SPON1: variants seen among roughly 807,000 people sequenced by gnomAD.
SPON1 encodes the protein spondin-1.
A neutral mutation model predicts 111.7 loss-of-function variants in SPON1; 52 were observed. The observed-to-expected ratio is 0.47, with a 90% CI of 0.37 to 0.59. SPON1 has a LOEUF of 0.59. Ranked by LOEUF, SPON1 falls within the 20% of genes least tolerant of loss-of-function variation. SPON1 has a pLI of 0.00. For synonymous variants in SPON1, 410 were observed against 395.8 expected (o/e 1.04, Z -0.43); for missense variants, 957 against 1,068.5 (o/e 0.90, Z 1.46).
At chr11:14,107,859 A>G (rs1554925079) in intron 5 of SPON1, among the ~76,000 whole-genome samples, 1 of 152,168 alleles carries the variant, frequency 6.6e-6, no homozygotes, top group East Asian at 1.9e-4. Flanking sequence ...TACATATTGT[A>G]TATAGTTTGA....
intron 7 of SPON1, among the ~76,000 whole-genome samples, chr11:14,253,952 T>C (rs1166850336): frequency 6.6e-6 from 1 of 152,204 alleles, no homozygotes; most frequent in Non-Finnish European, 1.5e-5. Context: ...TGAGAATCTG[T>C]GTGACACAAA....
chr11:14,088,839 C>CT (rs1361100478), intron 5 of SPON1, among the ~76,000 whole-genome samples: 19 of 151,842 alleles, frequency 1.3e-4, no homozygotes, highest in Non-Finnish European at 2.8e-4. Context: ...CCTTTTCATT[C>CT]TTTTTTCTCT....
chr11:14,213,635 A>G (rs1308907617), intron 6 of SPON1, among the ~76,000 whole-genome samples: 2 of 152,244 alleles, frequency 1.3e-5, no homozygotes, highest in Admixed American at 6.5e-5. Context: ...GCTATTAAGT[A>G]AGAATAGGAA....
At position 14,265,794 on chromosome 11, in the gene SPON1, T is replaced by G; in HGVS notation, c.*107T>G. The G allele has an allele frequency of 7.6e-7, 1 of 1,323,790 alleles. No homozygotes were observed. The highest frequency in any genetic ancestry group is 1.0e-6 in the Non-Finnish European group (1 of 969,484). 82.0% of individuals were successfully genotyped at this position (1,323,790 alleles called of 1,614,324 possible). A position where few individuals can be genotyped will look rare whatever the true frequency, so the allele number is the denominator to read the frequency against. ...AAATTGTGTACGCTAGTTTTCATTT[T>G]TGCAGTGTGGTTCGCCCAGTAGTCT... On this transcript the variant is annotated 3_prime_UTR_variant, in exon 16 of 16. Transcript: ENST00000576479.
At chr11:14,044,457 C>T (rs1848653601) in intron 3 of SPON1, among the ~76,000 whole-genome samples, 1 of 151,996 alleles carries the variant, frequency 6.6e-6, no homozygotes, top group South Asian at 2.1e-4. Flanking sequence ...ACTAAAAATA[C>T]AAACATTAGC....
At chr11:14,206,777 A>T (rs1219617286) in intron 6 of SPON1, among the ~76,000 whole-genome samples, 7 of 152,226 alleles carry the variant, frequency 4.6e-5, no homozygotes, top group African/African-American at 1.7e-4. Flanking sequence ...GTGGATAGGG[A>T]AGAGTCATTA....
At chr11:14,183,943 T>C (rs1848261099) in intron 6 of SPON1, among the ~76,000 whole-genome samples, 1 of 152,170 alleles carries the variant, frequency 6.6e-6, no homozygotes, top group Non-Finnish European at 1.5e-5. Flanking sequence ...GTAATAAACG[T>C]AAATGGCCCT....
chr11:14,082,960 C>T (rs993831099), intron 5 of SPON1, among the ~76,000 whole-genome samples: 4 of 152,028 alleles, frequency 2.6e-5, no homozygotes, highest in East Asian at 3.9e-4. Context: ...ATCTTAGGAC[C>T]GCTTTTGTAT....
chr11:14,220,922 C>T (rs1189664934), intron 6 of SPON1, among the ~76,000 whole-genome samples: 1 of 152,112 alleles, frequency 6.6e-6, no homozygotes, highest in African/African-American at 2.4e-5. Context: ...CTTTTCATGG[C>T]TTATTATGCC....
chr11:14,073,445 T>C (rs1848892901), intron 3 of SPON1, among the ~76,000 whole-genome samples: 1 of 152,232 alleles, frequency 6.6e-6, no homozygotes, highest in Admixed American at 6.5e-5. Context: ...TTGTATAATC[T>C]GTACTACCTC....
At chr11:14,230,493 T>TTTAGG in intron 6 of SPON1, among the ~76,000 whole-genome samples, 1 of 152,244 alleles carries the variant, frequency 6.6e-6, no homozygotes, top group South Asian at 2.1e-4. Context: ...AGCCTAACAC[T>TTTAGG]CTTTAAAATT....
chr11:14,171,339 T>TA (rs1448575242), intron 6 of SPON1, among the ~76,000 whole-genome samples: 1 of 152,216 alleles, frequency 6.6e-6, no homozygotes, highest in Non-Finnish European at 1.5e-5. Context: ...TTGGTACTGA[T>TA]ATCCCCTTTG....
At chr11:14,040,542 A>AT (rs1467581253) in intron 2 of SPON1, among the ~76,000 whole-genome samples, 1 of 152,202 alleles carries the variant, frequency 6.6e-6, no homozygotes. Flanking sequence ...CAGTGATAAA[A>AT]TTATATGATA....
chr11:14,190,577 G>C (rs1554934442), intron 6 of SPON1, among the ~76,000 whole-genome samples: 1 of 126,302 alleles, frequency 7.9e-6, no homozygotes, highest in Non-Finnish European at 1.7e-5. Flanking sequence ...TCCTTCTTTG[G>C]TTCCTTTCTT....
chr11:14,190,644 CTT>C (rs67284211), intron 6 of SPON1, among the ~76,000 whole-genome samples: 1,936 of 130,600 alleles, frequency 0.015, 18 homozygotes, highest in Non-Finnish European at 0.022. Context: ...TTTTCTTTTT[CTT>C]TTTTTTTTTT....
At chr11:14,042,792 C>T (rs1848641910) in intron 3 of SPON1, among the ~76,000 whole-genome samples, 1 of 152,206 alleles carries the variant, frequency 6.6e-6, no homozygotes, top group African/African-American at 2.4e-5. Context: ...CATCGCAATA[C>T]CTGCAGTTCT....
At chr11:14,035,614 CTTTTTT>C (rs57790720) in intron 2 of SPON1, among the ~76,000 whole-genome samples, 1 of 132,284 alleles carries the variant, frequency 7.6e-6, no homozygotes, top group African/African-American at 2.9e-5. Flanking sequence ...ACACTTAGTT[CTTTTTT>C]TTTTTTTTTT....
intron 5 of SPON1, among the ~76,000 whole-genome samples, chr11:14,117,119 G>T (rs1347809777): frequency 6.6e-6 from 1 of 151,908 alleles, no homozygotes. Context: ...GATTATTTTG[G>T]AATTTACGTA....
chr11:13,963,195 G>A, intron 1 of SPON1, 53 bp downstream of exon 1: 1 of 1,365,776 alleles, frequency 7.3e-7, no homozygotes. Flanking sequence ...TCCCCGGAGG[G>A]CGCCGACCTC....
Sources: allele counts gnomAD v4.1 joint callset (sites outside exome capture counted in the v4.1 genomes callset), GRCh38; gene constraint gnomAD v4.1.1; transcripts MANE v1.5; gene names NCBI Gene and HGNC (gene_info 2026-07-23, HGNC 2026-07-21).